EDEM3: variants seen among roughly 807,000 people sequenced by gnomAD.
EDEM3 encodes the protein ER degradation-enhancing alpha-mannosidase-like protein 3.
EDEM3 carries 60 observed loss-of-function variants against 110.2 expected under a neutral mutation model. That is an observed-to-expected ratio of 0.54 (90% CI 0.44 to 0.67). EDEM3 has a LOEUF of 0.67. Ranked by LOEUF, EDEM3 falls within the 30% of genes least tolerant of loss-of-function variation. The probability of loss-of-function intolerance (pLI) is 0.00; values close to 1 mark genes in which losing one functional copy is unlikely to be tolerated. For missense variants in EDEM3, 996 were observed against 1,121.0 expected (o/e 0.89, Z 1.59); for synonymous variants, 352 against 382.9 (o/e 0.92, Z 0.94).
chr1:184,753,657 A>T (rs1376348526), intron 1 of EDEM3, among the ~76,000 whole-genome samples: 1 of 152,094 alleles, frequency 6.6e-6, no homozygotes, highest in Non-Finnish European at 1.5e-5. Flanking sequence ...ATATTTACTA[A>T]TCTGATGGGC....
At chr1:184,752,115 A>C (rs941031940) in intron 1 of EDEM3, among the ~76,000 whole-genome samples, 2 of 152,194 alleles carry the variant, frequency 1.3e-5, no homozygotes, top group African/African-American at 4.8e-5. Flanking sequence ...ATTGTTTTCT[A>C]CTTCATTTTT....
chr1:184,745,466 A>G (rs1225541280), intron 2 of EDEM3, among the ~76,000 whole-genome samples: 1 of 152,176 alleles, frequency 6.6e-6, no homozygotes, highest in African/African-American at 2.4e-5. Context: ...GGGAAGATGA[A>G]AAAATTTCTA....
chr1:184,751,101 A>C (rs1223289353), intron 1 of EDEM3, among the ~76,000 whole-genome samples: 1 of 77,354 alleles, frequency 1.3e-5, no homozygotes, highest in Non-Finnish European at 3.7e-5. Context: ...ACATTTCATT[A>C]TTTAAAAAAA....
chr1:184,736,885 A>G (rs1651856489), intron 4 of EDEM3, 140 bp downstream of exon 4: 1 of 671,218 alleles, frequency 1.5e-6, no homozygotes, highest in East Asian at 2.7e-5. Context: ...CAACAGTGTA[A>G]AAGATTTATT....
chr1:184,750,586 C>T (rs1314122216), intron 1 of EDEM3, among the ~76,000 whole-genome samples: 2 of 151,068 alleles, frequency 1.3e-5, no homozygotes, highest in Non-Finnish European at 2.9e-5. Context: ...GATCTCAGCT[C>T]ACTGCAACCT....
In EDEM3 at chr1:184,717,092, G is replaced by A; in HGVS notation, c.1246-80C>T. On this transcript the variant is annotated intron_variant, in intron 12 of 19. Transcript: ENST00000318130. ...TCCATTCATTTACCAAATATTTATT[G>A]AGTACCTACTAGGTGCCAGGCACTG... 3 of 1,211,480 alleles carry A rather than the reference G, an allele frequency of 2.5e-6. No individual in the cohort carries two copies. In the East Asian group the frequency reaches 7.9e-5, roughly 32 times the overall value. 75.0% of individuals were successfully genotyped at this position (1,211,480 alleles called of 1,614,324 possible). A position where few individuals can be genotyped will look rare whatever the true frequency, so the allele number is the denominator to read the frequency against.
intron 11 of EDEM3, 49 bp downstream of exon 11, chr1:184,719,113 T>C: frequency 9.6e-7 from 1 of 1,036,522 alleles, no homozygotes; most frequent in Non-Finnish European, 1.4e-6. Context: ...CGTGTGTGTG[T>C]GTGTGTGTTT....
chr1:184,703,625 C>T (rs944219459), intron 18 of EDEM3, among the ~76,000 whole-genome samples: 1 of 152,200 alleles, frequency 6.6e-6, no homozygotes, highest in Non-Finnish European at 1.5e-5. Context: ...CAGCAACATG[C>T]TGTTTTACTG....
chr1:184,728,686 C>T (rs113068021), intron 6 of EDEM3, among the ~76,000 whole-genome samples: 153 of 151,644 alleles, frequency 1.0e-3, no homozygotes, highest in Admixed American at 2.3e-3. Flanking sequence ...CTTGGCTCAC[C>T]GCAACCTCCA....
intron 16 of EDEM3, 71 bp downstream of exon 16, chr1:184,710,323 T>A: frequency 6.6e-7 from 1 of 1,506,766 alleles, no homozygotes; most frequent in Non-Finnish European, 9.0e-7. Flanking sequence ...AAATCCATTA[T>A]CTTATTAAAG....
Position 184,754,545 on chromosome 1 carries a change from G to A in EDEM3, c.102C>T (p.Thr34=), listed in dbSNP as rs779015535. 6.2e-7 allele frequency: 1 copy of A among 1,612,998 alleles called. No homozygotes were observed. The highest frequency in any genetic ancestry group is 1.1e-5 in the South Asian group (1 of 91,076). ...GCTCGGCCCCCGCCGTCCACACGGA[G>A]GTGGCCGACACCAGGCAGAACGCGG... ...ATAAFCLVSA[T]SVWTAGAEPM... The change falls in exon 1 of 20, where the codon ACC becomes ACT. Residue 34 remains threonine (T), a synonymous_variant. Coordinates refer to ENST00000318130, the MANE Select transcript of EDEM3 (RefSeq NM_025191.4).
intron 13 of EDEM3, among the ~76,000 whole-genome samples, chr1:184,714,011 A>T (rs1650407461): frequency 6.6e-6 from 1 of 152,240 alleles, no homozygotes; most frequent in Non-Finnish European, 1.5e-5. Context: ...TTGGATATTA[A>T]TCTTTTTAGA....
chr1:184,719,157 C>T lies in EDEM3; in HGVS notation c.1161+5G>A. Reference sequence around the variant, plus strand: ...GTAAGATTATTCCAAAAATTATTTGCTTACCTCTGGTAGAAAATTGTGTTT... The same window carrying T: ...GTAAGATTATTCCAAAAATTATTTGTTTACCTCTGGTAGAAAATTGTGTTT... On this transcript the variant is annotated splice_donor_5th_base_variant and intron_variant, in intron 11 of 19. Transcript: ENST00000318130. 1.9e-6 allele frequency: 3 copies of T among 1,539,272 alleles called. No individual in the cohort carries two copies. The highest frequency in any genetic ancestry group is 2.6e-6 in the Non-Finnish European group (3 of 1,141,896).
At chr1:184,711,923 T>A (rs866691043) in intron 14 of EDEM3, 46 bp from the exon 15 acceptor site, 2 of 1,497,722 alleles carry the variant, frequency 1.3e-6, no homozygotes, top group African/African-American at 2.9e-5. Flanking sequence ...ATTATTTTAC[T>A]TAACATAATT....
chr1:184,723,913 C>T, intron 7 of EDEM3, 57 bp from the exon 8 acceptor site: 1 of 1,306,932 alleles, frequency 7.7e-7, no homozygotes, highest in Non-Finnish European at 1.0e-6. Context: ...AACTAAGTCT[C>T]TTTGGCAAAT....
intron 19 of EDEM3, among the ~76,000 whole-genome samples, chr1:184,696,828 G>T (rs932711994): frequency 4.6e-5 from 7 of 151,926 alleles, no homozygotes; most frequent in Non-Finnish European, 1.0e-4. Flanking sequence ...AGAGGAAAAG[G>T]TGTAGGGTTG....
At chr1:184,703,290 T>A (rs1204914335) in intron 18 of EDEM3, among the ~76,000 whole-genome samples, 6 of 152,112 alleles carry the variant, frequency 3.9e-5, no homozygotes, top group Non-Finnish European at 5.9e-5. Flanking sequence ...ACACACAGAA[T>A]AATAATACAT....
intron 15 of EDEM3, among the ~76,000 whole-genome samples, chr1:184,711,115 T>G (rs1650203558): frequency 6.6e-6 from 1 of 152,092 alleles, no homozygotes; most frequent in Non-Finnish European, 1.5e-5. Context: ...TTTTTTTTTT[T>G]GAGATGGAGT....
chr1:184,711,985 G>GACACT, intron 14 of EDEM3, 108 bp from the exon 15 acceptor site: 8 of 810,866 alleles, frequency 9.9e-6, no homozygotes, highest in South Asian at 4.1e-5. Flanking sequence ...GCAGTGCAGT[G>GACACT]GCGTAATCTC....
Sources: gnomAD v4.1 joint callset for allele counts (sites outside exome capture counted in the v4.1 genomes callset) on GRCh38, gnomAD v4.1.1 for gene constraint, MANE v1.5 for transcripts, NCBI Gene and HGNC (gene_info 2026-07-23, HGNC 2026-07-21) for gene names.